Variants in KHDRBS2 observed in about 807,000 individuals in gnomAD.
The protein encoded by KHDRBS2 is KH RNA binding domain containing, signal transduction associated 2, also known as KH domain-containing, RNA-binding, signal transduction-associated protein 2.
Under a neutral mutation model 44.3 loss-of-function variants are expected in KHDRBS2, and 26 were observed. The ratio of observed to expected loss-of-function variants is 0.59; its 90% confidence interval spans 0.43 to 0.81. The LOEUF is 0.81. KHDRBS2 is among the 40% of genes least tolerant of loss of function. The probability of loss-of-function intolerance (pLI) is 0.00; values close to 1 mark genes in which losing one functional copy is unlikely to be tolerated. For synonymous variants in KHDRBS2, 194 were observed against 151.1 expected (o/e 1.28, Z -2.08); for missense variants, 476 against 433.1 (o/e 1.10, Z -0.88).
intron 6 of KHDRBS2, among the ~76,000 whole-genome samples, chr6:61,818,090 T>A (rs1789269245): frequency 6.6e-6 from 1 of 151,996 alleles, no homozygotes; most frequent in African/African-American, 2.4e-5. Context: ...CTTAGGAATT[T>A]CACTTATTAT....
At chr6:61,809,514 A>C (rs752146391) in intron 6 of KHDRBS2, among the ~76,000 whole-genome samples, 2 of 152,146 alleles carry the variant, frequency 1.3e-5, no homozygotes, top group Non-Finnish European at 2.9e-5. Context: ...CCTTAAGAAA[A>C]AAATTGACCT....
intron 2 of KHDRBS2, among the ~76,000 whole-genome samples, chr6:62,140,129 C>T (rs1258127381): frequency 6.6e-6 from 1 of 152,154 alleles, no homozygotes; most frequent in Admixed American, 6.5e-5. Context: ...AGCTCCTAGA[C>T]TACTGTAGTT....
At chr6:61,666,900 GC>G in the KHDRBS2 span, among the ~76,000 whole-genome samples, 1 of 150,712 alleles carries the variant, frequency 6.6e-6, no homozygotes, top group African/African-American at 2.4e-5. Context: ...CATGGAAGAA[GC>G]CCAAGTCTCT....
At chr6:61,868,918 G>A (rs1296416187) in intron 6 of KHDRBS2, among the ~76,000 whole-genome samples, 1 of 152,210 alleles carries the variant, frequency 6.6e-6, no homozygotes, top group African/African-American at 2.4e-5. Flanking sequence ...CTGAGCCGCT[G>A]CTCTGCTGAG....
chr6:61,711,163 T>C (rs1416103755), intron 7 of KHDRBS2, among the ~76,000 whole-genome samples: 2 of 151,680 alleles, frequency 1.3e-5, no homozygotes, highest in Non-Finnish European at 2.9e-5. Flanking sequence ...GAATAATTTG[T>C]AAGCTGACTG....
intron 6 of KHDRBS2, among the ~76,000 whole-genome samples, chr6:61,888,437 T>G (rs2127324953): frequency 6.6e-6 from 1 of 152,180 alleles, no homozygotes; most frequent in East Asian, 1.9e-4. Flanking sequence ...TTGTACTATA[T>G]GTAAGTCACA....
chr6:61,637,907 T>C, the KHDRBS2 span, among the ~76,000 whole-genome samples: 4 of 152,110 alleles, frequency 2.6e-5, no homozygotes, highest in Non-Finnish European at 5.9e-5. Flanking sequence ...TAAATTTGTT[T>C]GAGTTCATTG....
chr6:61,561,345 C>G, the KHDRBS2 span, among the ~76,000 whole-genome samples: 1 of 152,136 alleles, frequency 6.6e-6, no homozygotes, highest in African/African-American at 2.4e-5. Context: ...GAATCTTACC[C>G]AAAGCCCACT....
At chr6:61,858,524 A>G (rs1796467046) in intron 6 of KHDRBS2, among the ~76,000 whole-genome samples, 1 of 151,990 alleles carries the variant, frequency 6.6e-6, no homozygotes, top group South Asian at 2.1e-4. Context: ...TTTTGTGAAA[A>G]GACATGTACT....
intron 6 of KHDRBS2, among the ~76,000 whole-genome samples, chr6:61,772,849 T>C (rs1179494303): frequency 6.6e-6 from 1 of 152,028 alleles, no homozygotes; most frequent in Non-Finnish European, 1.5e-5. Context: ...GTCCATGTCT[T>C]CTAATTGTTC....
At chr6:62,061,370 T>C (rs1255307441) in intron 2 of KHDRBS2, among the ~76,000 whole-genome samples, 2 of 151,848 alleles carry the variant, frequency 1.3e-5, no homozygotes, top group East Asian at 3.9e-4. Context: ...GCAGGCCTGG[T>C]GGTGACAAAA....
chr6:62,109,789 AAAGG>A (rs1313945949), intron 2 of KHDRBS2, among the ~76,000 whole-genome samples: 2 of 151,924 alleles, frequency 1.3e-5, no homozygotes, highest in East Asian at 1.9e-4. Flanking sequence ...AGGAAGAAAG[AAAGG>A]AAGGGAGAGA....
chr6:62,245,565 T>G (rs1835413952), intron 1 of KHDRBS2, among the ~76,000 whole-genome samples: 2 of 152,136 alleles, frequency 1.3e-5, no homozygotes, highest in Non-Finnish European at 2.9e-5. Context: ...ACAATGTTTA[T>G]TTATATCTTT....
At chr6:61,625,528 C>A in the KHDRBS2 span, among the ~76,000 whole-genome samples, 2 of 151,836 alleles carry the variant, frequency 1.3e-5, no homozygotes, top group African/African-American at 4.8e-5. Flanking sequence ...CTGGGCTGTC[C>A]CTAGCCCAGG....
At chr6:61,660,993 C>A in the KHDRBS2 span, among the ~76,000 whole-genome samples, 1 of 151,730 alleles carries the variant, frequency 6.6e-6, no homozygotes, top group African/African-American at 2.4e-5. Context: ...TTTTGTTTTT[C>A]TTTGTAATAC....
chr6:61,815,703 C>A (rs1487626166), intron 6 of KHDRBS2, among the ~76,000 whole-genome samples: 1 of 152,134 alleles, frequency 6.6e-6, no homozygotes, highest in Non-Finnish European at 1.5e-5. Flanking sequence ...TTTGTCCTTG[C>A]TTTTAATGAA....
chr6:61,547,835 T>C, the KHDRBS2 span, among the ~76,000 whole-genome samples: 2 of 152,274 alleles, frequency 1.3e-5, no homozygotes, highest in African/African-American at 4.8e-5. Context: ...TGCATTCTTC[T>C]TCCCCAAAAA....
At chr6:61,781,544 G>T (rs1329368911) in intron 6 of KHDRBS2, among the ~76,000 whole-genome samples, 1 of 152,006 alleles carries the variant, frequency 6.6e-6, no homozygotes, top group African/African-American at 2.4e-5. Context: ...GCAAGCTTTT[G>T]CTTTTCCCAA....
At chr6:61,627,177 T>C in the KHDRBS2 span, among the ~76,000 whole-genome samples, 12 of 133,854 alleles carry the variant, frequency 9.0e-5, no homozygotes, top group East Asian at 2.3e-4. Flanking sequence ...GGCGTGAACC[T>C]GGGAGGCGGA....
Sources: gnomAD v4.1 joint callset for allele counts (sites outside exome capture counted in the v4.1 genomes callset) on GRCh38, gnomAD v4.1.1 for gene constraint, MANE v1.5 for transcripts, NCBI Gene and HGNC (gene_info 2026-07-23, HGNC 2026-07-21) for gene names.